PRRC2B: variants seen among roughly 807,000 people sequenced by gnomAD.
PRRC2B encodes proline rich coiled-coil 2B, also known as protein PRRC2B.
In PRRC2B, 68 loss-of-function variants were observed where a neutral mutation model predicts 242.3. The ratio of observed to expected loss-of-function variants is 0.28; its 90% confidence interval spans 0.23 to 0.34. The LOEUF (loss-of-function observed/expected upper bound fraction) is 0.34. PRRC2B is among the 10% of genes least tolerant of loss of function. The pLI is 1.00. For synonymous variants in PRRC2B, 1,228 were observed against 1,173.6 expected, an observed-to-expected ratio of 1.05 and a Z score of -0.95; for missense variants, 2,835 against 2,954.8, an observed-to-expected ratio of 0.96 and a Z score of 0.94.
At chr9:131,468,593 ATAAG>A (rs1943457927) in intron 13 of PRRC2B, among the ~76,000 whole-genome samples, 1 of 152,150 alleles carries the variant, frequency 6.6e-6, no homozygotes, top group South Asian at 2.1e-4. Flanking sequence ...TAGAGTAGTA[ATAAG>A]TAAGGGAACA....
At chr9:131,450,656 C>T (rs909310394) in intron 9 of PRRC2B, among the ~76,000 whole-genome samples, 1 of 151,950 alleles carries the variant, frequency 6.6e-6, no homozygotes, top group African/African-American at 2.4e-5. Context: ...GGCATGATCT[C>T]AGCTCATTGC....
chr9:131,430,260 G>A lies in PRRC2B; in HGVS notation c.115+1G>A. ...TCAGTAGACGCGATTAGATCCTCAG[G>A]TAAGGCCCAGGGTTGAAGGCCAGTT... On this transcript the variant is annotated splice_donor_variant, in intron 2 of 31. Coordinates refer to ENST00000683519, the MANE Select transcript of PRRC2B (RefSeq NM_013318.4). LOFTEE classifies it high-confidence loss of function. 6.4e-7 allele frequency: 1 copy of A among 1,565,568 alleles called. No homozygotes were observed. The highest frequency in any genetic ancestry group is 8.7e-7 in the Non-Finnish European group (1 of 1,147,358).
At chr9:131,378,136 C>T (rs983599087) in intron 1 of PRRC2B, among the ~76,000 whole-genome samples, 13 of 151,868 alleles carry the variant, frequency 8.6e-5, no homozygotes, top group African/African-American at 3.1e-4. Flanking sequence ...TGGTGAAACC[C>T]TGTCTCTACT....
intron 1 of PRRC2B, among the ~76,000 whole-genome samples, chr9:131,402,575 C>T (rs532451315): frequency 3.3e-5 from 5 of 152,146 alleles, no homozygotes; most frequent in African/African-American, 9.6e-5. Flanking sequence ...TAAATGCATC[C>T]GGAAGCAGAA....
upstream of PRRC2B, among the ~76,000 whole-genome samples, chr9:131,393,852 G>GCCCCTCCCCACTCCCAGC (rs1430546794): frequency 6.6e-6 from 1 of 150,546 alleles, no homozygotes; most frequent in Non-Finnish European, 1.5e-5. Flanking sequence ...CCGTCCCCGG[G>GCCCCTCCCCACTCCCAGC]CCCCTCCCCA....
chr9:131,447,067 A>G lies in PRRC2B; in HGVS notation c.856-18A>G. ...CAGCCATTACCAGCAAATCCTGTTC[A>G]TTGATGTTATGTTTCAGATGTGTTC... On this transcript the variant is annotated intron_variant, in intron 7 of 31. Transcript: ENST00000683519. The G allele has an allele frequency of 6.2e-7, 1 of 1,613,944 alleles. No homozygotes were observed. The highest frequency in any genetic ancestry group is 1.1e-5 in the South Asian group (1 of 91,076).
At chr9:131,406,683 A>T (rs1441715024) in intron 1 of PRRC2B, among the ~76,000 whole-genome samples, 1 of 152,066 alleles carries the variant, frequency 6.6e-6, no homozygotes, top group African/African-American at 2.4e-5. Flanking sequence ...TCTGGGATGC[A>T]GTGTTAGTGC....
intron 10 of PRRC2B, 35 bp downstream of exon 10, chr9:131,455,201 C>T (rs1481181657): frequency 7.0e-7 from 1 of 1,432,374 alleles, no homozygotes; most frequent in Non-Finnish European, 9.8e-7. Flanking sequence ...AGCATGAGTG[C>T]ATCCCTGCTT....
At chr9:131,489,139 C>CTG (rs1269912606) in intron 28 of PRRC2B, among the ~76,000 whole-genome samples, 6 of 151,574 alleles carry the variant, frequency 4.0e-5, no homozygotes, top group Middle Eastern at 3.4e-3. Flanking sequence ...GTTGTCACCT[C>CTG]TGGCTTTTTC....
At chr9:131,457,190 T>G (rs1173844421) in intron 10 of PRRC2B, among the ~76,000 whole-genome samples, 5 of 152,268 alleles carry the variant, frequency 3.3e-5, no homozygotes, top group Non-Finnish European at 5.9e-5. Flanking sequence ...TTTCCTTTCA[T>G]GCTGTTTGAT....
chr9:131,456,364 G>T (rs1176917279), intron 10 of PRRC2B, among the ~76,000 whole-genome samples: 1 of 151,944 alleles, frequency 6.6e-6, no homozygotes, highest in Non-Finnish European at 1.5e-5. Context: ...AGGCACGGTG[G>T]CTCACGCCTG....
chr9:131,472,408 G>A (rs1013037114), intron 14 of PRRC2B, among the ~76,000 whole-genome samples: 3 of 151,094 alleles, frequency 2.0e-5, no homozygotes, highest in African/African-American at 7.3e-5. Context: ...GGGTTCAAGC[G>A]ATTCTTCTGC....
chr9:131,456,824 A>G (rs1418070969), intron 10 of PRRC2B, among the ~76,000 whole-genome samples: 1 of 152,134 alleles, frequency 6.6e-6, no homozygotes, highest in Admixed American at 6.5e-5. Flanking sequence ...AATAATAACA[A>G]TCATACCTAT....
At chr9:131,469,887 C>T (rs988334357) in intron 13 of PRRC2B, among the ~76,000 whole-genome samples, 3 of 152,090 alleles carry the variant, frequency 2.0e-5, no homozygotes, top group African/African-American at 7.2e-5. Flanking sequence ...CACAGGGAGT[C>T]TCTTAGGGTT....
chr9:131,456,217 T>C (rs1271519672), intron 10 of PRRC2B, among the ~76,000 whole-genome samples: 98 of 150,604 alleles, frequency 6.5e-4, no homozygotes, highest in African/African-American at 1.3e-3. Context: ...GTCTCTTTTT[T>C]TTTTTTTTTT....
chr9:131,438,904 C>A, intron 4 of PRRC2B, 85 bp from the exon 5 acceptor site: 1 of 1,023,774 alleles, frequency 9.8e-7, no homozygotes, highest in Non-Finnish European at 1.5e-6. Flanking sequence ...AAGGTGCTGG[C>A]CTCTCAGCAC....
At chr9:131,402,897 A>G (rs2131285799) in intron 1 of PRRC2B, among the ~76,000 whole-genome samples, 1 of 152,322 alleles carries the variant, frequency 6.6e-6, no homozygotes, top group East Asian at 1.9e-4. Context: ...TTGTATGGCC[A>G]GTGGCCAGCA....
intron 11 of PRRC2B, among the ~76,000 whole-genome samples, chr9:131,461,676 G>C (rs892380623): frequency 1.3e-5 from 2 of 152,216 alleles, no homozygotes; most frequent in Non-Finnish European, 2.9e-5. Context: ...CGAGTAGCGG[G>C]ATTACAGGCG....
intron 9 of PRRC2B, among the ~76,000 whole-genome samples, chr9:131,450,507 T>C (rs931278648): frequency 1.3e-5 from 2 of 151,874 alleles, no homozygotes; most frequent in Non-Finnish European, 2.9e-5. Flanking sequence ...CCTTGTGATC[T>C]GCCCACCTCA....
Sources: gnomAD v4.1 joint callset for allele counts (sites outside exome capture counted in the v4.1 genomes callset) on GRCh38, gnomAD v4.1.1 for gene constraint, MANE v1.5 for transcripts, NCBI Gene and HGNC (gene_info 2026-07-23, HGNC 2026-07-21) for gene names.